Variants in HMGXB3 observed in about 807,000 individuals in gnomAD.
HMGXB3 encodes HMG-box containing 3.
A neutral mutation model predicts 121.5 loss-of-function variants in HMGXB3; 45 were observed. The ratio of observed to expected loss-of-function variants is 0.37; its 90% CI spans 0.29 to 0.47. The LOEUF is 0.47. Among genes scored for constraint, HMGXB3 ranks in the 20% least tolerant of loss-of-function variants. The pLI is 0.99. For missense variants in HMGXB3, 1,376 were observed against 1,602.2 expected (o/e 0.86, Z 2.41); for synonymous variants, 590 against 624.1 (o/e 0.95, Z 0.81).
Position 150,027,061 on chromosome 5 carries a change from A to G in HMGXB3, c.1678A>G (p.Thr560Ala). ...SVRTCGLKPS[T>A]LKQLGQPIQQ... ...GAGGACTTGTGGTCTGAAGCCAAGC[A>G]CACTGAAGCAGCTGGGCCAGCCCAT... is the stretch of plus-strand genomic sequence containing the variant. Residue 560 changes from threonine (T) to alanine (A), a missense_variant, in exon 9 of 20, where the codon ACA becomes GCA. Physicochemically the swap from Thr to Ala is moderately conservative, Grantham distance 58. Coordinates refer to ENST00000502717, the MANE Select transcript of HMGXB3 (RefSeq NM_014983.3). 2 of 1,551,726 alleles carry G rather than the reference A, an allele frequency of 1.3e-6. No homozygotes were observed. The highest frequency in any genetic ancestry group is 1.7e-6 in the Non-Finnish European group (2 of 1,146,992).
At position 150,005,008 on chromosome 5, in the gene HMGXB3, G is replaced by A. The variant is rs1755662675; in HGVS notation, c.137+19G>A. 2 of 1,541,858 alleles carry A rather than the reference G, an allele frequency of 1.3e-6. No individual in the cohort carries two copies. The highest frequency in any genetic ancestry group is 1.2e-5 in the South Asian group (1 of 82,044). The stretch of plus-strand genomic sequence containing the variant: ...AACCCAGGTTAGCCAACACATTTTG[G>A]TTGCTGCTAGCATTTATAAACAGAA... On this transcript the variant is annotated intron_variant, in intron 2 of 19. Transcript: ENST00000502717.
chr5:150,048,768 G>C (rs181755220), intron 18 of HMGXB3, 83 bp downstream of exon 18: 3 of 1,069,070 alleles, frequency 2.8e-6, no homozygotes, highest in East Asian at 2.6e-5. Flanking sequence ...CTCAGTTTTG[G>C]GGGGCTAGAC....
intron 11 of HMGXB3, among the ~76,000 whole-genome samples, chr5:150,034,367 A>C (rs780846153): frequency 2.0e-5 from 3 of 152,188 alleles, no homozygotes; most frequent in Non-Finnish European, 2.9e-5. Context: ...AAGTGTGTCT[A>C]TCTGTAATTA....
At chr5:150,021,501 C>T in intron 6 of HMGXB3, 1 of 292,544 alleles carries the variant, frequency 3.4e-6, no homozygotes. Flanking sequence ...AATTCATAAA[C>T]TATCTTAAAA....
intron 7 of HMGXB3, among the ~76,000 whole-genome samples, chr5:150,025,270 C>T (rs940417076): frequency 6.6e-6 from 1 of 152,168 alleles, no homozygotes; most frequent in African/African-American, 2.4e-5. Context: ...CCCTTTTCCT[C>T]CTTAAATGCT....
intron 18 of HMGXB3, 42 bp downstream of exon 18, chr5:150,048,727 T>A (rs369824169): frequency 7.3e-7 from 1 of 1,368,564 alleles, no homozygotes; most frequent in Admixed American, 2.0e-5. Flanking sequence ...AATTTGCTAA[T>A]GTTGAACTTC....
chr5:150,034,063 C>G (rs1277534363), intron 11 of HMGXB3, among the ~76,000 whole-genome samples: 2 of 152,148 alleles, frequency 1.3e-5, no homozygotes, highest in African/African-American at 2.4e-5. Context: ...TCTTAAGAGA[C>G]AGGAGCCTTA....
chr5:150,018,729 G>T, intron 6 of HMGXB3, 32 bp downstream of exon 6: 6 of 1,533,610 alleles, frequency 3.9e-6, no homozygotes, highest in Non-Finnish European at 5.3e-6. Context: ...TGCTTTGGAA[G>T]CCTCACAGAA....
intron 13 of HMGXB3, among the ~76,000 whole-genome samples, chr5:150,039,162 A>G (rs1245922571): frequency 6.6e-6 from 1 of 152,208 alleles, no homozygotes; most frequent in African/African-American, 2.4e-5. Flanking sequence ...CTGTAGAGTC[A>G]GCTTGTCAAT....
In HMGXB3 at chr5:150,035,946, C is replaced by T. The variant is rs898118030; in HGVS notation, c.1984-690C>T. ...ATCATTCATAGAGCCTTCATTGCAC[C>T]ATAGGCATTGTGCTAAGTGCTTTAC... On this transcript the variant is annotated intron_variant, in intron 11 of 19. Transcript: ENST00000502717. Among the ~76,000 whole-genome samples, 10 of 151,848 alleles carry T rather than the reference C, an allele frequency of 6.6e-5. 2 individuals carry two copies. Among genetic ancestry groups the T allele is most frequent in the Admixed American group, 6.6e-4 (10 of 15,238 alleles).
intron 18 of HMGXB3, among the ~76,000 whole-genome samples, chr5:150,049,958 T>G (rs1382195199): frequency 6.6e-6 from 1 of 152,208 alleles, no homozygotes; most frequent in Middle Eastern, 3.2e-3. Context: ...CATAGTGAAC[T>G]GGTAGGTGAT....
chr5:150,024,922 T>C lies in HMGXB3; in HGVS notation c.1460+242T>C, dbSNP rs548682655. 3.9e-5 allele frequency among the ~76,000 whole-genome samples: 6 copies of C among 152,358 alleles called. No homozygotes were observed. In the South Asian group the frequency reaches 1.0e-3, roughly 26 times the overall value. ...TTGTCAGTCTCCCTAAAGCATTAATTAGAGTCTTGCTGGTATAGGCTCTGG... is the reference window on the plus strand; with the variant it reads ...TTGTCAGTCTCCCTAAAGCATTAATCAGAGTCTTGCTGGTATAGGCTCTGG... On this transcript the variant is annotated intron_variant, in intron 7 of 19. Coordinates refer to ENST00000502717, the MANE Select transcript of HMGXB3 (RefSeq NM_014983.3).
intron 13 of HMGXB3, 45 bp from the exon 14 acceptor site, chr5:150,040,703 G>T (rs1231069378): frequency 1.3e-6 from 2 of 1,539,438 alleles, no homozygotes; most frequent in Admixed American, 4.1e-5. Context: ...TTTTGCCATT[G>T]TGTATGATAC....
At chr5:150,027,713 C>T (rs533169166) in intron 9 of HMGXB3, among the ~76,000 whole-genome samples, 10 of 152,090 alleles carry the variant, frequency 6.6e-5, no homozygotes, top group African/African-American at 1.4e-4. Flanking sequence ...CCACCACGCC[C>T]GGCTAACTTT....
chr5:150,046,806 C>T lies in HMGXB3; in HGVS notation c.2951-818C>T, dbSNP rs577408508. Among the ~76,000 whole-genome samples, 48 of 151,844 alleles carry T rather than the reference C, an allele frequency of 3.2e-4. 1 individual carries two copies. The highest frequency in any genetic ancestry group is 1.1e-3 in the African/African-American group (45 of 41,464). ...CAGCCTGGGCGACAGAGCGAGACTC[C>T]GTCTCAAAATAAATAAATAAATAAA... On this transcript the variant is annotated intron_variant, in intron 16 of 19. Transcript: ENST00000502717.
chr5:150,050,796 T>C (rs1347291500), intron 19 of HMGXB3, among the ~76,000 whole-genome samples: 1 of 152,220 alleles, frequency 6.6e-6, no homozygotes, highest in Non-Finnish European at 1.5e-5. Flanking sequence ...CGTAAGTTTT[T>C]ACTGACCAAG....
intron 1 of HMGXB3, among the ~76,000 whole-genome samples, chr5:150,002,009 C>T (rs567382917): frequency 6.6e-6 from 1 of 152,296 alleles, no homozygotes; most frequent in African/African-American, 2.4e-5. Context: ...GCTTACCCAG[C>T]CAAGTTGTAG....
rs1420670514 is a variant in HMGXB3 at position 150,018,588 on chromosome 5, G to A, written c.932G>A (p.Gly311Asp). The change falls in exon 6 of 20, where the codon GGC becomes GAC. Residue 311 changes from glycine to aspartate, a missense_variant. Gly to Asp is a moderately conservative substitution (Grantham distance 94). Transcript: ENST00000502717. Reference sequence around the variant, plus strand: ...CAGACCACTACATATACCCGCCGGGGCCATGGGACATGCACCAGCCCAGGG... The same window carrying A: ...CAGACCACTACATATACCCGCCGGGACCATGGGACATGCACCAGCCCAGGG... ...IKLTTTYTRR[G>D]HGTCTSPGCS... is the part of the protein sequence containing the mutation. 1.3e-6 allele frequency: 2 copies of A among 1,549,470 alleles called. No homozygotes were observed. The highest frequency in any genetic ancestry group is 2.0e-5 in the Admixed American group (1 of 50,656).
Position 150,024,421 on chromosome 5 carries a change from C to T in HMGXB3, c.1201C>T (p.Leu401=), listed in dbSNP as rs374069573. Residue 401 remains leucine (L), a synonymous_variant, in exon 7 of 20, where the codon CTG becomes TTG. Coordinates refer to ENST00000502717, the MANE Select transcript of HMGXB3 (RefSeq NM_014983.3). ...LENSEAVSQL[L]NVAPPREVGE... ...GAATTCGGAAGCTGTAAGCCAGCTC[C>T]TGAACGTAGCTCCTCCCAGAGAAGT... is the stretch of plus-strand genomic sequence containing the variant. 25 of 1,551,648 alleles carry T rather than the reference C, an allele frequency of 1.6e-5. No individual in the cohort carries two copies. The African/African-American group carries it at 2.6e-4, about 16-fold the overall frequency.
Sources: gnomAD v4.1 joint callset for allele counts (sites outside exome capture counted in the v4.1 genomes callset) on GRCh38, gnomAD v4.1.1 for gene constraint, MANE v1.5 for transcripts, NCBI Gene and HGNC (gene_info 2026-07-23, HGNC 2026-07-21) for gene names.